The following KHDRBS3 variants were observed in gnomAD, a reference collection of about 807,000 sequenced individuals.
KHDRBS3 encodes KH domain-containing, RNA-binding, signal transduction-associated protein 3.
KHDRBS3 carries 23 observed loss-of-function variants against 45.6 expected under a neutral mutation model. The ratio of observed to expected loss-of-function variants is 0.50; its 90% confidence interval spans 0.36 to 0.72. The LOEUF is 0.72. KHDRBS3 is among the 30% of genes least tolerant of loss of function. The pLI is 0.00. For synonymous variants in KHDRBS3, 162 were observed against 156.5 expected, an observed-to-expected ratio of 1.04 and a Z score of -0.26; for missense variants, 352 against 424.8, an observed-to-expected ratio of 0.83 and a Z score of 1.51.
intron 7 of KHDRBS3, among the ~76,000 whole-genome samples, chr8:135,624,499 A>C (rs1010361554): frequency 2.0e-5 from 3 of 152,228 alleles, no homozygotes; most frequent in African/African-American, 7.2e-5. Flanking sequence ...CGAGCTCTTC[A>C]ACTCAAACAT....
intron 7 of KHDRBS3, among the ~76,000 whole-genome samples, chr8:135,633,830 A>G (rs1830703420): frequency 1.3e-5 from 2 of 152,232 alleles, no homozygotes; most frequent in Non-Finnish European, 2.9e-5. Context: ...CACATCTGCC[A>G]CCAGAGTGGT....
intron 8 of KHDRBS3, 112 bp from the exon 9 acceptor site, chr8:135,646,881 A>G: frequency 3.2e-6 from 2 of 630,232 alleles, no homozygotes; most frequent in Middle Eastern, 2.6e-4. Context: ...CCAGGGGTAT[A>G]TATTTTCAAT....
In KHDRBS3 at chr8:135,478,977, T is replaced by A. The variant is rs544967999; in HGVS notation, c.88+21023T>A. Among the ~76,000 whole-genome samples the A allele has an allele frequency of 2.6e-5, 4 of 152,094 alleles. No individual in the cohort carries two copies. The East Asian group carries it at 7.7e-4, about 29-fold the overall frequency. Reference sequence around the variant, plus strand: ...AATGGAAATTAATCAAATAAGAGAATAGAAAATTAATAGAGAAAAGTCAAC... The same window carrying A: ...AATGGAAATTAATCAAATAAGAGAAAAGAAAATTAATAGAGAAAAGTCAAC... On this transcript the variant is annotated intron_variant, in intron 1 of 8. Coordinates refer to ENST00000355849, the MANE Select transcript of KHDRBS3 (RefSeq NM_006558.3).
chr8:135,536,999 G>GAAAAAAAAAAAAAAAA (rs1375807666), intron 2 of KHDRBS3, among the ~76,000 whole-genome samples: 1 of 29,408 alleles, frequency 3.4e-5, no homozygotes, highest in African/African-American at 1.0e-4. Context: ...AAAAAAAAAG[G>GAAAAAAAAAAAAAAAA]AGATGTTTAG....
chr8:135,503,399 G>C (rs190437871), intron 1 of KHDRBS3, among the ~76,000 whole-genome samples: 115 of 152,192 alleles, frequency 7.6e-4, no homozygotes, highest in African/African-American at 2.4e-3. Context: ...GCTACAAAAG[G>C]CCTAACTCTG....
intron 4 of KHDRBS3, chr8:135,550,021 A>G (rs1364760721): frequency 1.3e-5 from 2 of 152,200 alleles, no homozygotes; most frequent in Non-Finnish European, 2.9e-5. Flanking sequence ...GATGTGAACT[A>G]ATAAAATACA....
intron 1 of KHDRBS3, among the ~76,000 whole-genome samples, chr8:135,499,973 C>CT (rs1823650414): frequency 1.3e-5 from 2 of 152,126 alleles, no homozygotes; most frequent in Non-Finnish European, 2.9e-5. Context: ...ATAACAGTTA[C>CT]AGTTTACAGT....
chr8:135,583,957 A>G (rs1447430111), intron 6 of KHDRBS3, among the ~76,000 whole-genome samples: 4 of 152,220 alleles, frequency 2.6e-5, no homozygotes, highest in Non-Finnish European at 5.9e-5. Context: ...TTTGTAAATG[A>G]TAGGAAAGGC....
rs551390918 is a variant in KHDRBS3 at position 135,635,717 on chromosome 8, C to T, written c.891-9342C>T. On this transcript the variant is annotated intron_variant, in intron 7 of 8. Coordinates refer to ENST00000355849, the MANE Select transcript of KHDRBS3 (RefSeq NM_006558.3). The stretch of plus-strand genomic sequence containing the variant: ...GTAGTTTCTTAAAGATTAGTTGTAA[C>T]GTAGACTCTAAAACCATACCAGTAA... Among the ~76,000 whole-genome samples the T allele has an allele frequency of 2.6e-5, 4 of 152,268 alleles. 1 individual carries two copies. The highest frequency in any genetic ancestry group is 7.2e-5 in the African/African-American group (3 of 41,548).
chr8:135,645,306 C>T (rs947473217), intron 8 of KHDRBS3, among the ~76,000 whole-genome samples, 189 bp downstream of exon 8: 1 of 152,192 alleles, frequency 6.6e-6, no homozygotes, highest in Admixed American at 6.5e-5. Context: ...GGACTAAAGA[C>T]TTGCTGAAGA....
chr8:135,471,340 A>G (rs1257510639), intron 1 of KHDRBS3, among the ~76,000 whole-genome samples: 7 of 152,160 alleles, frequency 4.6e-5, no homozygotes, highest in Admixed American at 3.9e-4. Flanking sequence ...AAACACCCCT[A>G]AGACTGGTTG....
chr8:135,586,044 GA>G (rs1217219626), intron 6 of KHDRBS3, among the ~76,000 whole-genome samples: 3 of 152,150 alleles, frequency 2.0e-5, no homozygotes, highest in Non-Finnish European at 1.5e-5. Context: ...GCTCCTGAAG[GA>G]AACAGAAAAA....
intron 1 of KHDRBS3, among the ~76,000 whole-genome samples, chr8:135,507,205 A>G (rs1249765462): frequency 6.6e-6 from 1 of 152,204 alleles, no homozygotes; most frequent in African/African-American, 2.4e-5. Context: ...TCTTAGTGTT[A>G]GTATCTTAGC....
chr8:135,534,374 T>C (rs1264752095), intron 2 of KHDRBS3, among the ~76,000 whole-genome samples: 1 of 152,190 alleles, frequency 6.6e-6, no homozygotes, highest in African/African-American at 2.4e-5. Flanking sequence ...TGGGTAGTGA[T>C]TAATACTTTC....
chr8:135,526,433 A>T (rs1825190761), intron 2 of KHDRBS3, among the ~76,000 whole-genome samples: 1 of 152,144 alleles, frequency 6.6e-6, no homozygotes, highest in African/African-American at 2.4e-5. Context: ...ACCATTTAGA[A>T]GTTACTGCTT....
intron 1 of KHDRBS3, among the ~76,000 whole-genome samples, chr8:135,494,151 G>T (rs1269876541): frequency 6.6e-6 from 1 of 151,570 alleles, no homozygotes; most frequent in East Asian, 1.9e-4. Flanking sequence ...CTGGCCAGAG[G>T]CTTATGAATT....
intron 6 of KHDRBS3, among the ~76,000 whole-genome samples, chr8:135,594,699 T>G (rs1296361156): frequency 6.6e-6 from 1 of 152,244 alleles, no homozygotes; most frequent in Non-Finnish European, 1.5e-5. Context: ...TCCAGTACTA[T>G]TCACATGTGC....
intron 8 of KHDRBS3, among the ~76,000 whole-genome samples, chr8:135,645,947 A>G (rs1251969153): frequency 6.9e-6 from 1 of 144,756 alleles, no homozygotes; most frequent in Non-Finnish European, 1.5e-5. Flanking sequence ...TTTGAAGTGC[A>G]TTTTGTTGTA....
chr8:135,485,842 T>TTATATATATA lies in KHDRBS3; in HGVS notation c.88+27906_88+27915dup, dbSNP rs34886021. ...TGCAGGATTGATTGGCATTTCAAGTTTATATATATATATATATATATATAT... is the reference window on the plus strand; with the variant it reads ...TGCAGGATTGATTGGCATTTCAAGTTTATATATATATATATATATATATATATATATATAT... On this transcript the variant is annotated intron_variant, in intron 1 of 8. Transcript: ENST00000355849. 7.3e-3 allele frequency among the ~76,000 whole-genome samples: 876 copies of TTATATATATA among 120,272 alleles called. 28 individuals carry two copies. Among genetic ancestry groups the TTATATATATA allele is most frequent in the African/African-American group, 0.027 (717 of 26,882 alleles). 78.9% of individuals were successfully genotyped at this position (120,272 alleles called of 152,430 possible).
Sources: allele counts gnomAD v4.1 joint callset (sites outside exome capture counted in the v4.1 genomes callset), GRCh38; gene constraint gnomAD v4.1.1; transcripts MANE v1.5; gene names NCBI Gene and HGNC (gene_info 2026-07-23, HGNC 2026-07-21).